ACTN1: variants seen among roughly 807,000 people sequenced by gnomAD.
ACTN1 encodes actinin alpha 1, also known as alpha-actinin-1.
Under a neutral mutation model 119.6 loss-of-function variants are expected in ACTN1, and 30 were observed. The ratio of observed to expected loss-of-function variants is 0.25; its 90% CI spans 0.19 to 0.34. The LOEUF (loss-of-function observed/expected upper bound fraction) is 0.34, where lower values mean the gene tolerates loss of function less well. Ranked by LOEUF, ACTN1 falls within the 10% of genes least tolerant of loss-of-function variation. The probability of loss-of-function intolerance (pLI) is 1.00; values close to 1 mark genes in which losing one functional copy is unlikely to be tolerated. For synonymous variants in ACTN1, 429 were observed against 472.6 expected, an observed-to-expected ratio of 0.91 and a Z score of 1.20; for missense variants, 764 against 1,223.4, an observed-to-expected ratio of 0.62 and a Z score of 5.60.
chr14:68,964,150 G>A (rs1435334003), intron 1 of ACTN1, among the ~76,000 whole-genome samples: 3 of 152,202 alleles, frequency 2.0e-5, no homozygotes, highest in African/African-American at 7.2e-5. Flanking sequence ...CTCCTGGACT[G>A]TGGGGAGAAA....
intron 3 of ACTN1, among the ~76,000 whole-genome samples, chr14:68,917,502 T>C (rs559281886): frequency 1.3e-5 from 2 of 152,320 alleles, no homozygotes; most frequent in East Asian, 1.9e-4. Flanking sequence ...ACCTGCAACG[T>C]TCCCCCGCTC....
chr14:68,929,345 G>A (rs2035101441), intron 1 of ACTN1, among the ~76,000 whole-genome samples: 1 of 152,148 alleles, frequency 6.6e-6, no homozygotes, highest in South Asian at 2.1e-4. Context: ...AGAGGCCCAT[G>A]CTAGAGACCC....
intron 1 of ACTN1, among the ~76,000 whole-genome samples, chr14:68,948,790 CA>C (rs1216206457): frequency 3.9e-5 from 6 of 152,146 alleles, no homozygotes; most frequent in African/African-American, 1.4e-4. Flanking sequence ...TACCAGGCCA[CA>C]AAGAAAAACA....
At chr14:68,927,924 G>A (rs1298125062) in intron 1 of ACTN1, among the ~76,000 whole-genome samples, 1 of 152,116 alleles carries the variant, frequency 6.6e-6, no homozygotes, top group Non-Finnish European at 1.5e-5. Flanking sequence ...GGGGTGGGTG[G>A]TCTTTTCTCA....
chr14:68,884,199 G>A lies in ACTN1; in HGVS notation c.1604C>T (p.Thr535Ile), dbSNP rs778605494. ...MEGAMEDLQD[T>I]FIVHTIEEIQ... Reference sequence around the variant, plus strand: ...CTCCTCAATGGTGTGCACAATGAAGGTGTCCTGCAGGTCCTCCATGGCCCC... The same window carrying A: ...CTCCTCAATGGTGTGCACAATGAAGATGTCCTGCAGGTCCTCCATGGCCCC... The change falls in exon 14 of 22, where the codon ACC becomes ATC. Residue 535 changes from threonine to isoleucine, a missense_variant. Transcript: ENST00000394419. The A allele has an allele frequency of 2.5e-6, 4 of 1,614,070 alleles. No individual in the cohort carries two copies. Among genetic ancestry groups the A allele is most frequent in the South Asian group, 1.1e-5 (1 of 91,082 alleles).
At chr14:68,961,132 T>C (rs1477097540) in intron 1 of ACTN1, among the ~76,000 whole-genome samples, 1 of 152,160 alleles carries the variant, frequency 6.6e-6, no homozygotes, top group African/African-American at 2.4e-5. Flanking sequence ...CCTCAAATGC[T>C]TTTTGGAAAG....
At chr14:68,920,245 G>A (rs950291490) in intron 3 of ACTN1, among the ~76,000 whole-genome samples, 2 of 152,330 alleles carry the variant, frequency 1.3e-5, no homozygotes, top group East Asian at 3.9e-4. Context: ...GCCACAGAGT[G>A]AGCAATCCAT....
At chr14:68,952,122 G>C (rs180938103) in intron 1 of ACTN1, among the ~76,000 whole-genome samples, 1 of 152,216 alleles carries the variant, frequency 6.6e-6, no homozygotes, top group South Asian at 2.1e-4. Flanking sequence ...CCAGCTTTCC[G>C]GGCCTCAGTT....
intron 3 of ACTN1, among the ~76,000 whole-genome samples, chr14:68,918,430 A>T (rs569724511): frequency 0.15 from 22,705 of 151,344 alleles, 2,023 homozygotes; most frequent in South Asian, 0.25. Context: ...AAATATTTAA[A>T]AAAAAATTAG....
chr14:68,931,249 T>C (rs1256838979), intron 1 of ACTN1, among the ~76,000 whole-genome samples: 1 of 152,180 alleles, frequency 6.6e-6, no homozygotes, highest in Non-Finnish European at 1.5e-5. Flanking sequence ...CAGCCAGCAT[T>C]GGCACAGAGA....
Position 68,874,781 on chromosome 14 carries a change from C to A in ACTN1, c.*78G>T. The A allele has an allele frequency of 7.1e-7, 1 of 1,398,658 alleles. No individual in the cohort carries two copies. Among genetic ancestry groups the A allele is most frequent in the Non-Finnish European group, 9.4e-7 (1 of 1,067,204 alleles). The allele number at this position is 1,398,658 out of a possible 1,614,324, so 86.6% of individuals were successfully genotyped here. On this transcript the variant is annotated 3_prime_UTR_variant, in exon 22 of 22. Coordinates refer to ENST00000394419, the MANE Select transcript of ACTN1 (RefSeq NM_001130004.2). ...GTGGAGGCTGGGAGCTGAAACCGAA[C>A]CCAGGCAGGAGATGGGCGACGGCGG...
chr14:68,912,188 A>G lies in ACTN1; in HGVS notation c.395T>C (p.Leu132Pro). 1 of 1,614,162 alleles carries G rather than the reference A, an allele frequency of 6.2e-7. No individual in the cohort carries two copies. The highest frequency in any genetic ancestry group is 8.5e-7 in the Non-Finnish European group (1 of 1,180,016). Reference protein sequence around the residue: ...MTLGMIWTIILRFAIQDISVE... With the variant: ...MTLGMIWTIIPRFAIQDISVE... ...GGAGATGTCCTGGATGGCAAAGCGC[A>G]GGATGATGGTCCAGATCATGCCCAG... The change falls in exon 4 of 22, where the codon CTG (leucine) becomes CCG (proline). Residue 132 changes from leucine to proline, a missense_variant. Leu to Pro is a moderately conservative substitution (Grantham distance 98). This residue lies in a region of ACTN1 where 54 missense variants were observed against 153.2 expected (regional missense o/e 0.35). Transcript: ENST00000394419.
chr14:68,963,719 A>G (rs2036613779), intron 1 of ACTN1, among the ~76,000 whole-genome samples: 1 of 152,248 alleles, frequency 6.6e-6, no homozygotes, highest in Non-Finnish European at 1.5e-5. Flanking sequence ...ATACTATGAT[A>G]TCATTTCTTC....
intron 1 of ACTN1, among the ~76,000 whole-genome samples, chr14:68,959,167 C>G (rs548775201): frequency 6.6e-6 from 1 of 152,206 alleles, no homozygotes; most frequent in Non-Finnish European, 1.5e-5. Context: ...ACAACTGCCA[C>G]GACAGAGTCT....
At chr14:68,897,539 C>T (rs1220072165) in intron 8 of ACTN1, among the ~76,000 whole-genome samples, 4 of 152,310 alleles carry the variant, frequency 2.6e-5, no homozygotes, top group African/African-American at 9.6e-5. Flanking sequence ...CTCAAGGTGA[C>T]ATCAAAACAC....
chr14:68,926,340 C>T (rs2034924589), intron 1 of ACTN1, among the ~76,000 whole-genome samples: 1 of 152,216 alleles, frequency 6.6e-6, no homozygotes, highest in Non-Finnish European at 1.5e-5. Context: ...TTCATAGTTA[C>T]TTCTCTATTA....
Position 68,879,770 on chromosome 14 carries a change from C to T in ACTN1, c.2280+192G>A, listed in dbSNP as rs2031318202. 1 of 690,094 alleles carries T rather than the reference C, an allele frequency of 1.4e-6. No individual in the cohort carries two copies. The highest frequency in any genetic ancestry group is 1.8e-5 in the African/African-American group (1 of 55,386). The allele number at this position is 690,094 out of a possible 1,614,324, so 42.7% of individuals were successfully genotyped here. A position where few individuals can be genotyped will look rare whatever the true frequency, so the allele number is the denominator to read the frequency against. ...CACTCTCTCCCGGAAAGCAGGGAAG[C>T]TTATGGGGCACCAACACAGGTTTTC... is the stretch of plus-strand genomic sequence containing the variant. On this transcript the variant is annotated intron_variant, in intron 18 of 21. Transcript: ENST00000394419. The surrounding 1 kb of genome is among the most constrained non-coding windows in gnomAD (Gnocchi z 4.9).
intron 1 of ACTN1, among the ~76,000 whole-genome samples, chr14:68,975,076 C>A (rs957689459): frequency 7.9e-5 from 12 of 152,238 alleles, no homozygotes; most frequent in Non-Finnish European, 1.5e-4. Flanking sequence ...AGTCCTCCAC[C>A]TTGACTGGTG....
intron 1 of ACTN1, among the ~76,000 whole-genome samples, chr14:68,956,717 T>C (rs752222392): frequency 3.9e-5 from 6 of 152,196 alleles, no homozygotes; most frequent in African/African-American, 1.2e-4. Flanking sequence ...CCTCATTGCA[T>C]GACCCACCTC....
Sources: gnomAD v4.1 joint callset for allele counts (sites outside exome capture counted in the v4.1 genomes callset) on GRCh38, gnomAD v4.1.1 for gene constraint, gnomAD v4.1.1 regional missense constraint, Gnocchi (gnomAD v3.1) non-coding constraint, MANE v1.5 for transcripts, NCBI Gene and HGNC (gene_info 2026-07-23, HGNC 2026-07-21) for gene names.